The following RGS7 variants were observed in gnomAD, a reference collection of about 807,000 sequenced individuals.
RGS7 encodes regulator of G protein signaling 7.
In RGS7, 27 loss-of-function variants were observed where a neutral mutation model predicts 81.1. The observed-to-expected ratio is 0.33, with a 90% CI of 0.25 to 0.46. The LOEUF (loss-of-function observed/expected upper bound fraction) is 0.46. RGS7 is among the 20% of genes least tolerant of loss of function. RGS7 has a pLI of 1.00. For missense variants in RGS7, 396 were observed against 607.4 expected, an observed-to-expected ratio of 0.65 and a Z score of 3.66; for synonymous variants, 208 against 207.7, an observed-to-expected ratio of 1.00 and a Z score of -0.01.
intron 3 of RGS7, among the ~76,000 whole-genome samples, chr1:240,992,842 A>C (rs1354688535): frequency 6.9e-6 from 1 of 145,404 alleles, no homozygotes; most frequent in African/African-American, 2.5e-5. Context: ...GTCTCTACTA[A>C]AAATACAAAA....
intron 18 of RGS7, among the ~76,000 whole-genome samples, chr1:240,785,552 G>A (rs912831399): frequency 6.6e-6 from 1 of 152,182 alleles, no homozygotes; most frequent in African/African-American, 2.4e-5. Flanking sequence ...ATTTGCAAGA[G>A]CTGAGCTCCT....
chr1:241,327,028 A>AGGGAGGGAGTG (rs1257519305), intron 2 of RGS7, among the ~76,000 whole-genome samples: 1 of 2,652 alleles, frequency 3.8e-4, no homozygotes, highest in East Asian at 0.02. Flanking sequence ...GGAAGGAAGG[A>AGGGAGGGAGTG]AGGAAGGAAG....
chr1:241,253,367 G>A (rs193162622), intron 2 of RGS7, among the ~76,000 whole-genome samples: 88 of 152,272 alleles, frequency 5.8e-4, no homozygotes, highest in African/African-American at 2.0e-3. Flanking sequence ...TTTATTCTAC[G>A]TAGTTTGCTG....
At chr1:241,258,081 A>C (rs780995817) in intron 2 of RGS7, among the ~76,000 whole-genome samples, 27 of 152,224 alleles carry the variant, frequency 1.8e-4, no homozygotes, top group Non-Finnish European at 3.1e-4. Context: ...TAATGAGACT[A>C]TCTCTGATAA....
At position 241,017,439 on chromosome 1, in the gene RGS7, C is replaced by CAAAA. The variant is rs554731685; in HGVS notation, c.176-34314_176-34311dup. Among the ~76,000 whole-genome samples the CAAAA allele has an allele frequency of 9.6e-5, 7 of 73,066 alleles. No homozygotes were observed. The East Asian group carries it at 2.7e-3, about 28-fold the overall frequency. 47.9% of individuals were successfully genotyped at this position (73,066 alleles called of 152,430 possible). A position where few individuals can be genotyped will look rare whatever the true frequency, so the allele number is the denominator to read the frequency against. On this transcript the variant is annotated intron_variant, in intron 3 of 18. Coordinates refer to ENST00000440928, the MANE Select transcript of RGS7 (RefSeq NM_001364886.1). ...TGGGTGACAGAGCAACACTCTGTCT[C>CAAAA]AAAAAAAAAAAAAAAAAAAGTGAGA...
At chr1:240,837,469 T>C (rs1374165590) in intron 9 of RGS7, among the ~76,000 whole-genome samples, 1 of 152,244 alleles carries the variant, frequency 6.6e-6, no homozygotes, top group Non-Finnish European at 1.5e-5. Flanking sequence ...TTTATACCCA[T>C]AATTGAACTG....
chr1:240,917,340 G>A (rs958679668), intron 6 of RGS7, among the ~76,000 whole-genome samples: 5 of 152,260 alleles, frequency 3.3e-5, no homozygotes, highest in South Asian at 4.1e-4. Flanking sequence ...GTAAATGTAC[G>A]TCAAACAAAA....
intron 2 of RGS7, among the ~76,000 whole-genome samples, chr1:241,319,564 A>G (rs1316731805): frequency 1.3e-5 from 2 of 151,972 alleles, no homozygotes; most frequent in African/African-American, 4.8e-5. Context: ...TTACTTTGTC[A>G]CCCAGGCTGG....
intron 6 of RGS7, among the ~76,000 whole-genome samples, chr1:240,889,586 G>C (rs561691763): frequency 8.5e-5 from 13 of 152,292 alleles, no homozygotes; most frequent in African/African-American, 3.1e-4. Flanking sequence ...TCTAGGAGGC[G>C]ACTGGATGGT....
Position 240,834,955 on chromosome 1 carries a change from CAA to C in RGS7, c.610-7785_610-7784del, listed in dbSNP as rs1491115246. 4.8e-5 allele frequency among the ~76,000 whole-genome samples: 7 copies of C among 146,032 alleles called. No individual in the cohort carries two copies. In the South Asian group the frequency reaches 1.1e-3, roughly 23 times the overall value. On this transcript the variant is annotated intron_variant, in intron 9 of 18. Transcript: ENST00000440928. ...ACACACACACACACACACACACACA[CAA>C]ACTCAAAATGAATCATAAACCTAAA...
intron 2 of RGS7, among the ~76,000 whole-genome samples, chr1:241,166,406 AG>A (rs1418909129): frequency 1.3e-5 from 2 of 152,036 alleles, no homozygotes; most frequent in African/African-American, 2.4e-5. Flanking sequence ...AGTAGATCTG[AG>A]GTGCAGAGAT....
intron 2 of RGS7, among the ~76,000 whole-genome samples, chr1:241,118,492 A>C (rs555578737): frequency 6.6e-6 from 1 of 152,312 alleles, no homozygotes; most frequent in East Asian, 1.9e-4. Flanking sequence ...ATATTTACCA[A>C]TTTTGACTAA....
chr1:241,017,992 AG>A (rs1477301643), intron 3 of RGS7, among the ~76,000 whole-genome samples: 3 of 151,668 alleles, frequency 2.0e-5, no homozygotes, highest in Admixed American at 6.6e-5. Flanking sequence ...TTTGAGGTGG[AG>A]TCTCACTCTG....
At chr1:240,815,536 G>A (rs1050061580) in intron 11 of RGS7, among the ~76,000 whole-genome samples, 1 of 152,008 alleles carries the variant, frequency 6.6e-6, no homozygotes, top group African/African-American at 2.4e-5. Flanking sequence ...AACAATTCAT[G>A]ACAAATGCTC....
At chr1:241,153,196 T>C (rs975102001) in intron 2 of RGS7, among the ~76,000 whole-genome samples, 5 of 152,228 alleles carry the variant, frequency 3.3e-5, no homozygotes, top group Admixed American at 3.3e-4. Context: ...TAGATGCATT[T>C]GTCAGGCTGA....
chr1:241,143,254 T>C (rs2068061416), intron 2 of RGS7, among the ~76,000 whole-genome samples: 1 of 152,228 alleles, frequency 6.6e-6, no homozygotes. Flanking sequence ...TCCAAAGTCA[T>C]TTCCACATGT....
At chr1:241,013,291 G>T (rs983622536) in intron 3 of RGS7, among the ~76,000 whole-genome samples, 1 of 151,984 alleles carries the variant, frequency 6.6e-6, no homozygotes, top group Non-Finnish European at 1.5e-5. Flanking sequence ...TTGAACTCCT[G>T]ACCCCAAGTG....
intron 2 of RGS7, among the ~76,000 whole-genome samples, chr1:241,226,925 T>C (rs1051186869): frequency 2.6e-5 from 4 of 152,266 alleles, no homozygotes; most frequent in African/African-American, 9.6e-5. Context: ...TTTTCTCTGA[T>C]GCTTTCATTA....
In RGS7 at chr1:241,220,734, G is replaced by A. The variant is rs1251807142; in HGVS notation, c.79-121972C>T. On this transcript the variant is annotated intron_variant, in intron 2 of 18. Transcript: ENST00000440928. Reference sequence around the variant, plus strand: ...TCATATTAATAATTAAGGTTCTTTTGCAATAAAAAAGAGACATGGGCCAGG... The same window carrying A: ...TCATATTAATAATTAAGGTTCTTTTACAATAAAAAAGAGACATGGGCCAGG... Among the ~76,000 whole-genome samples the A allele has an allele frequency of 2.0e-5, 3 of 151,870 alleles. No homozygotes were observed. In the East Asian group the frequency reaches 5.8e-4, roughly 29 times the overall value.
Sources: allele counts gnomAD v4.1 joint callset (sites outside exome capture counted in the v4.1 genomes callset), GRCh38; gene constraint gnomAD v4.1.1; transcripts MANE v1.5; gene names NCBI Gene and HGNC (gene_info 2026-07-23, HGNC 2026-07-21).